USP14: variants seen among roughly 807,000 people sequenced by gnomAD.
The protein encoded by USP14 is ubiquitin carboxyl-terminal hydrolase 14.
USP14 carries 38 observed loss-of-function variants against 76.5 expected under a neutral mutation model. The ratio of observed to expected loss-of-function variants is 0.50; its 90% CI spans 0.38 to 0.65. The LOEUF (loss-of-function observed/expected upper bound fraction) is 0.65. Ranked by LOEUF, USP14 falls within the 30% of genes least tolerant of loss-of-function variation. The probability of loss-of-function intolerance (pLI) is 0.00; values close to 1 mark genes in which losing one functional copy is unlikely to be tolerated. For missense variants in USP14, 467 were observed against 586.5 expected, an observed-to-expected ratio of 0.80 and a Z score of 2.10; for synonymous variants, 192 against 191.7, an observed-to-expected ratio of 1.00 and a Z score of -0.01.
Position 211,996 on chromosome 18 carries a change from T to C in USP14, c.*712T>C, listed in dbSNP as rs376978163. On this transcript the variant is annotated 3_prime_UTR_variant, in exon 16 of 16. Transcript: ENST00000261601. ...GAAAATGTTGACAAGCTCTGGTTGC[T>C]TATTTTTAGAAAATGAGGACATTTA... 6.6e-6 allele frequency: 1 copy of C among 152,324 alleles called. No homozygotes were observed. The allele number at this position is 152,324 out of a possible 1,614,324, so 9.4% of individuals were successfully genotyped here.
chr18:171,025 A>AAAAATATATATAT (rs1327304974), intron 3 of USP14, among the ~76,000 whole-genome samples: 4 of 47,650 alleles, frequency 8.4e-5, no homozygotes, highest in Non-Finnish European at 1.1e-4. Context: ...AAAAAAAAAA[A>AAAAATATATATAT]ATATATATAT....
At position 204,620 on chromosome 18, in the gene USP14, A is replaced by G. The variant is rs1448597912; in HGVS notation, c.1092A>G (p.Gln364=). 3.7e-6 allele frequency: 6 copies of G among 1,613,482 alleles called. No homozygotes were observed. The highest frequency in any genetic ancestry group is 5.1e-6 in the Non-Finnish European group (6 of 1,179,752). The change falls in exon 13 of 16, where the codon CAA becomes CAG. Residue 364 remains glutamine, a synonymous_variant. Transcript: ENST00000261601. ...ATGAACTGTGTACACCAGAACTTCA[A>G]GAGAAAATGGTGTCTTTTCGATCCA... ...DMYELCTPEL[Q]EKMVSFRSKF...
In USP14 at chr18:194,498, C is replaced by T. The variant is rs138069283; in HGVS notation, c.463+1598C>T. Among the ~76,000 whole-genome samples the T allele has an allele frequency of 3.5e-3, 536 of 152,182 alleles. 2 individuals carry two copies. The highest frequency in any genetic ancestry group is 0.012 in the African/African-American group (505 of 41,518). On this transcript the variant is annotated intron_variant, in intron 6 of 15. Transcript: ENST00000261601. ...AATTCACCAGTTACTAACTTTTAGTCGCATTTGGTTTCTCATTTTTCCGTT... is the reference window on the plus strand; with the variant it reads ...AATTCACCAGTTACTAACTTTTAGTTGCATTTGGTTTCTCATTTTTCCGTT...
intron 1 of USP14, among the ~76,000 whole-genome samples, chr18:159,390 T>C (rs1909052864): frequency 6.6e-6 from 1 of 152,194 alleles, no homozygotes; most frequent in African/African-American, 2.4e-5. Flanking sequence ...CAGGGGCTTG[T>C]ATTGTTTGCT....
rs978967242 is a variant in USP14, at chr18:214,075, G to A, written c.*2791G>A. 3 of 152,486 alleles carry A rather than the reference G, an allele frequency of 2.0e-5. No individual in the cohort carries two copies. Among genetic ancestry groups the A allele is most frequent in the African/African-American group, 7.2e-5 (3 of 41,400 alleles). The allele number at this position is 152,486 out of a possible 1,614,324, so 9.4% of individuals were successfully genotyped here. ...TAAAGTGCTGCAGCTCCTTAGCTTT[G>A]CTGTTGTTATAGTGTAGCTGGAGCC... On this transcript the variant is annotated 3_prime_UTR_variant, in exon 16 of 16. Transcript: ENST00000261601.
intron 5 of USP14, among the ~76,000 whole-genome samples, chr18:185,182 C>CA (rs1171351311): frequency 6.6e-6 from 1 of 151,638 alleles, no homozygotes; most frequent in Non-Finnish European, 1.5e-5. Context: ...ATTTTCGAGA[C>CA]AGAGTCTCAC....
chr18:174,985 A>G (rs1429082954), intron 3 of USP14, among the ~76,000 whole-genome samples: 3 of 152,066 alleles, frequency 2.0e-5, no homozygotes, highest in South Asian at 2.1e-4. Flanking sequence ...CATGTTGGCC[A>G]GGCTGTTCTC....
At chr18:186,591 A>T (rs1909936665) in intron 5 of USP14, among the ~76,000 whole-genome samples, 1 of 152,056 alleles carries the variant, frequency 6.6e-6, no homozygotes, top group Admixed American at 6.5e-5. Flanking sequence ...CGTCTCTATT[A>T]AAAATACAAA....
In USP14 at chr18:210,287, C is replaced by CT. The variant is rs374335394; in HGVS notation, c.1226-96dup. The CT allele has an allele frequency of 1.9e-5, 17 of 900,038 alleles. 1 individual carries two copies. The highest frequency in any genetic ancestry group is 2.3e-4 in the Middle Eastern group (1 of 4,366). 55.8% of individuals were successfully genotyped at this position (900,038 alleles called of 1,614,324 possible). On this transcript the variant is annotated intron_variant, in intron 14 of 15. Coordinates refer to ENST00000261601, the MANE Select transcript of USP14 (RefSeq NM_005151.4). ...AGTATCTTATTGGATTCTGATAATA[C>CT]TTTCGTAATGTGAACTTTAGAGTTA...
At chr18:204,991 CA>C (rs745936843) in intron 13 of USP14, among the ~76,000 whole-genome samples, 2 of 151,938 alleles carry the variant, frequency 1.3e-5, no homozygotes, top group East Asian at 3.9e-4. Flanking sequence ...CCTCCCACCT[CA>C]CCCTCCCAAG....
intron 6 of USP14, chr18:196,408 C>T: frequency 3.1e-6 from 1 of 322,108 alleles, no homozygotes; most frequent in Non-Finnish European, 5.7e-6. Flanking sequence ...CCTGTAATCC[C>T]AGCTACTCTG....
rs113886010 is a variant in USP14, at chr18:213,518, C to CA, written c.*2246dup. On this transcript the variant is annotated 3_prime_UTR_variant, in exon 16 of 16. Transcript: ENST00000261601. Reference sequence around the variant, plus strand: ...TCTTTGAGAAGGGAGAGGAGTAGGCCAAAAAAAAAAAAGTCTTGATTCCTG... The same window carrying CA: ...TCTTTGAGAAGGGAGAGGAGTAGGCCAAAAAAAAAAAAAGTCTTGATTCCTG... 0.047 allele frequency: 6,524 copies of CA among 137,688 alleles called. 152 individuals carry two copies. Among genetic ancestry groups the CA allele is most frequent in the Non-Finnish European group, 0.061 (3,860 of 63,006 alleles). The allele number at this position is 137,688 out of a possible 1,614,324, so 8.5% of individuals were successfully genotyped here.
intron 5 of USP14, among the ~76,000 whole-genome samples, chr18:186,074 ACATATTTGATATTCACTTTTTCTCAGC>A (rs1909921336): frequency 6.6e-6 from 1 of 152,164 alleles, no homozygotes; most frequent in Admixed American, 6.5e-5. Flanking sequence ...AGAAAAGTCT[ACATATTTGATATTCACTTTTTCTCAGC>A]CATCTTCTCG....
chr18:174,554 C>T (rs1909571015), intron 3 of USP14, among the ~76,000 whole-genome samples: 1 of 151,672 alleles, frequency 6.6e-6, no homozygotes, highest in African/African-American at 2.4e-5. Flanking sequence ...GTGTAAGCCA[C>T]TGCACCCGGC....
At chr18:179,881 G>A (rs553153435) in intron 4 of USP14, among the ~76,000 whole-genome samples, 1 of 151,624 alleles carries the variant, frequency 6.6e-6, no homozygotes, top group East Asian at 1.9e-4. Flanking sequence ...GATTACAGGT[G>A]TGAGCCACTG....
chr18:166,401 C>T (rs1056931348), intron 2 of USP14, among the ~76,000 whole-genome samples: 36 of 151,086 alleles, frequency 2.4e-4, no homozygotes, highest in Non-Finnish European at 1.5e-5. Flanking sequence ...GGTGAGATCT[C>T]GGCTCACTGT....
At chr18:173,551 A>G (rs537183887) in intron 3 of USP14, among the ~76,000 whole-genome samples, 6 of 152,200 alleles carry the variant, frequency 3.9e-5, no homozygotes, top group African/African-American at 1.4e-4. Context: ...AGCTGGGATT[A>G]AAGGCATGCA....
At chr18:160,288 A>G (rs575715849) in intron 1 of USP14, among the ~76,000 whole-genome samples, 4 of 152,296 alleles carry the variant, frequency 2.6e-5, no homozygotes, top group African/African-American at 9.6e-5. Context: ...TGGGTGAAAA[A>G]AGCGAAACTG....
rs979732937 is a variant in USP14, at chr18:212,280, T to G, written c.*996T>G. The G allele has an allele frequency of 2.6e-5, 4 of 152,284 alleles. No individual in the cohort carries two copies. The highest frequency in any genetic ancestry group is 4.4e-5 in the Non-Finnish European group (3 of 68,054). The allele number at this position is 152,284 out of a possible 1,614,324, so 9.4% of individuals were successfully genotyped here. ...GATGTTATCAGTCAGATTCTTTCCT[T>G]GGCTCAGTTGTGTTTGTATTTCCTT... On this transcript the variant is annotated 3_prime_UTR_variant, in exon 16 of 16. Coordinates refer to ENST00000261601, the MANE Select transcript of USP14 (RefSeq NM_005151.4).
Sources: gnomAD v4.1 joint callset for allele counts (sites outside exome capture counted in the v4.1 genomes callset) on GRCh38, gnomAD v4.1.1 for gene constraint, MANE v1.5 for transcripts, NCBI Gene and HGNC (gene_info 2026-07-23, HGNC 2026-07-21) for gene names.